The following THRB variants were observed in gnomAD, a reference collection of about 807,000 sequenced individuals.
The protein encoded by THRB is thyroid hormone receptor beta.
Under a neutral mutation model 47.8 loss-of-function variants are expected in THRB, and 12 were observed. The ratio of observed to expected loss-of-function variants is 0.25; its 90% CI spans 0.16 to 0.41. The LOEUF (loss-of-function observed/expected upper bound fraction) is 0.41, where lower values mean the gene tolerates loss of function less well. Ranked by LOEUF, THRB falls within the 10% of genes least tolerant of loss-of-function variation. The pLI is 1.00. For missense variants in THRB, 348 were observed against 589.2 expected (o/e 0.59, Z 4.24); for synonymous variants, 218 against 212.2 (o/e 1.03, Z -0.24).
At chr3:24,350,145 G>GTGTGAA (rs2063278116) in intron 1 of THRB, among the ~76,000 whole-genome samples, 1 of 152,012 alleles carries the variant, frequency 6.6e-6, no homozygotes, top group African/African-American at 2.4e-5. Context: ...TATCAGGAGA[G>GTGTGAA]TGTGAATTTA....
chr3:24,434,917 T>G (rs1173209682), intron 1 of THRB, among the ~76,000 whole-genome samples: 1 of 152,196 alleles, frequency 6.6e-6, no homozygotes, highest in Non-Finnish European at 1.5e-5. Flanking sequence ...GGAATTTTAC[T>G]GTGTAGCATT....
chr3:24,385,274 T>G (rs1235093647), intron 1 of THRB, among the ~76,000 whole-genome samples: 1 of 152,124 alleles, frequency 6.6e-6, no homozygotes. Context: ...GCCATCAGCC[T>G]GCTACTTGGG....
At chr3:24,377,168 C>A (rs1214611311) in intron 1 of THRB, among the ~76,000 whole-genome samples, 1 of 152,004 alleles carries the variant, frequency 6.6e-6, no homozygotes, top group African/African-American at 2.4e-5. Flanking sequence ...TGGTTTTGAT[C>A]TCCTGGGCTC....
chr3:24,191,630 C>G (rs2043356061), intron 4 of THRB, among the ~76,000 whole-genome samples: 1 of 152,018 alleles, frequency 6.6e-6, no homozygotes, highest in Non-Finnish European at 1.5e-5. Context: ...TCATAAGCAC[C>G]CTCTCGAAAG....
intron 1 of THRB, among the ~76,000 whole-genome samples, chr3:24,390,446 C>T (rs1470030170): frequency 6.6e-6 from 1 of 152,132 alleles, no homozygotes; most frequent in Non-Finnish European, 1.5e-5. Context: ...CCCGCCAGCT[C>T]TTTGATAAAT....
chr3:24,321,694 T>G (rs888863984), intron 2 of THRB, among the ~76,000 whole-genome samples: 5 of 152,046 alleles, frequency 3.3e-5, no homozygotes, highest in Admixed American at 3.3e-4. Context: ...GAACCGTGAA[T>G]CCAAAATGTT....
At chr3:24,432,070 T>C (rs771536135) in intron 1 of THRB, among the ~76,000 whole-genome samples, 13 of 152,104 alleles carry the variant, frequency 8.5e-5, no homozygotes, top group Non-Finnish European at 1.6e-4. Flanking sequence ...ACATATTTAA[T>C]ATCAACATTA....
At chr3:24,189,707 C>T (rs2043087586) in intron 5 of THRB, among the ~76,000 whole-genome samples, 1 of 152,212 alleles carries the variant, frequency 6.6e-6, no homozygotes, top group Non-Finnish European at 1.5e-5. Flanking sequence ...GAAATGTACA[C>T]ATGCACAGAC....
chr3:24,423,551 C>T (rs964042091), intron 1 of THRB, among the ~76,000 whole-genome samples: 2 of 151,732 alleles, frequency 1.3e-5, no homozygotes, highest in Admixed American at 6.6e-5. Flanking sequence ...TATTCAATGC[C>T]CTTCAACACT....
At chr3:24,143,919 T>A in intron 7 of THRB, 1 of 598,128 alleles carries the variant, frequency 1.7e-6, no homozygotes, top group Non-Finnish European at 3.0e-6. Context: ...AAACTCCCCA[T>A]GACCGGCCAG....
intron 1 of THRB, among the ~76,000 whole-genome samples, chr3:24,410,158 G>A (rs2150165081): frequency 6.6e-6 from 1 of 151,806 alleles, no homozygotes; most frequent in East Asian, 1.9e-4. Context: ...AGAAAGCAGT[G>A]AGAAAGGAAA....
At chr3:24,407,008 T>C (rs1307194163) in intron 1 of THRB, among the ~76,000 whole-genome samples, 2 of 151,902 alleles carry the variant, frequency 1.3e-5, no homozygotes, top group Admixed American at 1.3e-4. Context: ...TAATCCATGA[T>C]ATTAGCACAT....
chr3:24,158,982 A>C (rs2038344114), intron 5 of THRB, among the ~76,000 whole-genome samples: 1 of 152,170 alleles, frequency 6.6e-6, no homozygotes, highest in African/African-American at 2.4e-5. Context: ...TCAGAAGATT[A>C]GGGGAGGGAG....
intron 1 of THRB, among the ~76,000 whole-genome samples, chr3:24,469,579 T>C (rs2074404201): frequency 6.6e-6 from 1 of 152,202 alleles, no homozygotes; most frequent in Non-Finnish European, 1.5e-5. Context: ...CTGAAGAGTA[T>C]AATGAAATAT....
At position 24,197,032 on chromosome 3, in the gene THRB, G is replaced by T. The variant is rs368926281; in HGVS notation, c.23-6698C>A. On this transcript the variant is annotated intron_variant, in intron 4 of 10. Transcript: ENST00000646209. ...TTGTGATATATCCATTTACATACAT[G>T]TATATAATTTTCTTAACACTCATAG... Among the ~76,000 whole-genome samples, 37 of 152,276 alleles carry T rather than the reference G, an allele frequency of 2.4e-4. No individual in the cohort carries two copies. In the South Asian group the frequency reaches 7.7e-3, roughly 32 times the overall value.
chr3:24,270,403 C>A (rs2053200131), intron 3 of THRB, among the ~76,000 whole-genome samples: 1 of 152,172 alleles, frequency 6.6e-6, no homozygotes, highest in Non-Finnish European at 1.5e-5. Flanking sequence ...CAGAGATGAG[C>A]TGGAAATCCC....
chr3:24,223,090 A>G (rs1317166681), intron 4 of THRB, among the ~76,000 whole-genome samples: 1 of 151,908 alleles, frequency 6.6e-6, no homozygotes, highest in African/African-American at 2.4e-5. Flanking sequence ...GGCTTCTGTT[A>G]TTACTTCATC....
At chr3:24,429,284 A>T (rs989283994) in intron 1 of THRB, among the ~76,000 whole-genome samples, 1 of 150,248 alleles carries the variant, frequency 6.7e-6, no homozygotes, top group Non-Finnish European at 1.5e-5. Context: ...ATATCAATAT[A>T]TTAAATATAT....
intron 2 of THRB, among the ~76,000 whole-genome samples, chr3:24,317,087 T>C (rs1268697152): frequency 6.6e-6 from 1 of 152,110 alleles, no homozygotes; most frequent in Non-Finnish European, 1.5e-5. Flanking sequence ...TCAACAAAGG[T>C]TTGCTGAATG....
Sources: gnomAD v4.1 joint callset for allele counts (sites outside exome capture counted in the v4.1 genomes callset) on GRCh38, gnomAD v4.1.1 for gene constraint, MANE v1.5 for transcripts, NCBI Gene and HGNC (gene_info 2026-07-23, HGNC 2026-07-21) for gene names.